Variants in TIMP3 observed in about 807,000 individuals in gnomAD.
TIMP3 encodes TIMP metallopeptidase inhibitor 3.
TIMP3 carries 11 observed loss-of-function variants against 30.0 expected under a neutral mutation model. That is an observed-to-expected ratio of 0.37 (90% CI 0.23 to 0.61). The LOEUF (loss-of-function observed/expected upper bound fraction) is 0.61, where lower values mean the gene tolerates loss of function less well. Ranked by LOEUF, TIMP3 falls within the 20% of genes least tolerant of loss-of-function variation. The pLI is 0.70. For synonymous variants in TIMP3, 112 were observed against 111.3 expected (o/e 1.01, Z -0.04); for missense variants, 181 against 276.8 (o/e 0.65, Z 2.45).
intron 1 of TIMP3, among the ~76,000 whole-genome samples, chr22:32,842,334 G>A (rs2047933987): frequency 6.6e-6 from 1 of 152,174 alleles, no homozygotes; most frequent in African/African-American, 2.4e-5. Flanking sequence ...ACCCAGTCCA[G>A]GCAGGCCCCT....
At chr22:32,841,392 G>A (rs1440942481) in intron 1 of TIMP3, among the ~76,000 whole-genome samples, 4 of 152,134 alleles carry the variant, frequency 2.6e-5, no homozygotes, top group Non-Finnish European at 5.9e-5. Context: ...AAGGTCCCCC[G>A]CCCAAGTGAA....
chr22:32,814,118 G>A (rs1211524037), intron 1 of TIMP3, among the ~76,000 whole-genome samples: 9 of 48,992 alleles, frequency 1.8e-4, no homozygotes, highest in African/African-American at 4.9e-4. Context: ...GTGTGTGTGT[G>A]TGTGTGTGTG....
Position 32,802,053 on chromosome 22 carries a change from G to A in TIMP3, c.52G>A (p.Asp18Asn), listed in dbSNP as rs1324470172. 1.3e-6 allele frequency: 2 copies of A among 1,577,050 alleles called. No individual in the cohort carries two copies. Among genetic ancestry groups the A allele is most frequent in the East Asian group, 2.3e-5 (1 of 43,252 alleles). The change falls in exon 1 of 5, where the codon GAC (aspartate) becomes AAC (asparagine). Residue 18 changes from aspartate to asparagine, a missense_variant. Asp to Asn is a conservative substitution (Grantham distance 23, BLOSUM62 1). This residue lies in a region of TIMP3 where 71 missense variants were observed against 79.7 expected (regional missense o/e 0.89). Transcript: ENST00000266085. Reference protein sequence around the residue: ...IVLLGSWSLGDWGAEACTCSP... With the variant: ...IVLLGSWSLGNWGAEACTCSP... ...GCTCCTGGGCAGCTGGAGCCTGGGG[G>A]ACTGGGGCGCCGAGGCGTGCACATG...
intron 1 of TIMP3, among the ~76,000 whole-genome samples, chr22:32,832,443 T>A (rs1307733821): frequency 2.0e-5 from 3 of 151,452 alleles, no homozygotes. Flanking sequence ...CAAACTCACA[T>A]AGAAAATGAA....
intron 1 of TIMP3, among the ~76,000 whole-genome samples, chr22:32,819,918 C>T (rs746684676): frequency 2.0e-5 from 3 of 152,186 alleles, no homozygotes; most frequent in Admixed American, 6.5e-5. Context: ...GGGAAGTTCT[C>T]GCAACCATAG....
At chr22:32,841,118 A>G (rs1219792856) in intron 1 of TIMP3, among the ~76,000 whole-genome samples, 2 of 152,232 alleles carry the variant, frequency 1.3e-5, no homozygotes, top group Non-Finnish European at 2.9e-5. Flanking sequence ...TATACAAGAA[A>G]TCACACGTAG....
At chr22:32,813,344 C>T (rs976187043) in intron 1 of TIMP3, among the ~76,000 whole-genome samples, 1 of 152,114 alleles carries the variant, frequency 6.6e-6, no homozygotes, top group Non-Finnish European at 1.5e-5. Flanking sequence ...CTGTGGTGAA[C>T]CGTACAGTCC....
At chr22:32,827,545 C>T (rs1272287050) in intron 1 of TIMP3, among the ~76,000 whole-genome samples, 1 of 152,220 alleles carries the variant, frequency 6.6e-6, no homozygotes, top group East Asian at 1.9e-4. Context: ...TTTACAATGA[C>T]CCCAGAGTGG....
chr22:32,843,691 G>A (rs542789463), intron 1 of TIMP3, among the ~76,000 whole-genome samples: 2 of 152,196 alleles, frequency 1.3e-5, no homozygotes, highest in South Asian at 2.1e-4. Context: ...AGTCTAGGCC[G>A]AAGATGCGAG....
chr22:32,833,226 C>T (rs1364241437), intron 1 of TIMP3, among the ~76,000 whole-genome samples: 1 of 152,094 alleles, frequency 6.6e-6, no homozygotes, highest in African/African-American at 2.4e-5. Flanking sequence ...TCATTGGCCC[C>T]CAGCAAGACT....
chr22:32,856,033 A>G (rs2146279247), intron 2 of TIMP3, among the ~76,000 whole-genome samples: 1 of 152,346 alleles, frequency 6.6e-6, no homozygotes, highest in South Asian at 2.1e-4. Flanking sequence ...GCTTGAATTC[A>G]ACGTTCACCA....
At chr22:32,814,133 T>TGAGA (rs1449647586) in intron 1 of TIMP3, among the ~76,000 whole-genome samples, 6 of 75,620 alleles carry the variant, frequency 7.9e-5, no homozygotes, top group Non-Finnish European at 1.8e-4. Flanking sequence ...TGTGTGTGTG[T>TGAGA]GTGTGTGTGA....
chr22:32,821,357 A>G (rs2146062562), intron 1 of TIMP3, among the ~76,000 whole-genome samples: 1 of 152,302 alleles, frequency 6.6e-6, no homozygotes, highest in South Asian at 2.1e-4. Flanking sequence ...TTTACGTTCC[A>G]TTGAAGATCT....
intron 1 of TIMP3, among the ~76,000 whole-genome samples, chr22:32,829,558 C>A (rs978703549): frequency 6.6e-6 from 1 of 152,242 alleles, no homozygotes; most frequent in Non-Finnish European, 1.5e-5. Flanking sequence ...CCTCCTGTTT[C>A]GTGAAAAACG....
At chr22:32,846,575 A>T (rs1015160957) in intron 1 of TIMP3, among the ~76,000 whole-genome samples, 2 of 152,214 alleles carry the variant, frequency 1.3e-5, no homozygotes, top group Non-Finnish European at 2.9e-5. Flanking sequence ...TTGTTTCATC[A>T]TTCCCATCTT....
At chr22:32,832,672 A>G (rs1234391056) in intron 1 of TIMP3, among the ~76,000 whole-genome samples, 1 of 149,810 alleles carries the variant, frequency 6.7e-6, no homozygotes, top group African/African-American at 2.5e-5. Flanking sequence ...AAAACCCTCG[A>G]GTATTTTATT....
intron 1 of TIMP3, among the ~76,000 whole-genome samples, chr22:32,823,677 AAGAAGC>A: frequency 6.6e-6 from 1 of 152,148 alleles, no homozygotes; most frequent in Non-Finnish European, 1.5e-5. Context: ...CTGAGGCAGG[AAGAAGC>A]TTGGTGGGCT....
chr22:32,852,348 AC>A (rs2048243361), intron 2 of TIMP3, among the ~76,000 whole-genome samples: 1 of 152,144 alleles, frequency 6.6e-6, no homozygotes, highest in Admixed American at 6.5e-5. Flanking sequence ...TTCCCAGGGA[AC>A]AAAAAGAGGT....
intron 4 of TIMP3, among the ~76,000 whole-genome samples, chr22:32,858,887 A>C (rs2048454881): frequency 6.6e-6 from 1 of 152,198 alleles, no homozygotes; most frequent in African/African-American, 2.4e-5. Flanking sequence ...AAGTCCTCTC[A>C]GTAGTCTAAT....
Sources: gnomAD v4.1 joint callset for allele counts (sites outside exome capture counted in the v4.1 genomes callset) on GRCh38, gnomAD v4.1.1 for gene constraint, gnomAD v4.1.1 regional missense constraint, MANE v1.5 for transcripts, NCBI Gene and HGNC (gene_info 2026-07-23, HGNC 2026-07-21) for gene names.